DPYD: variants seen among roughly 807,000 people sequenced by gnomAD.
DPYD encodes dihydropyrimidine dehydrogenase [NADP(+)].
In DPYD, 109 loss-of-function variants were observed where a neutral mutation model predicts 116.2. That is an observed-to-expected ratio of 0.94 (90% CI 0.80 to 1.10). The LOEUF is 1.10. Among genes scored for constraint, DPYD ranks in the 50% least tolerant of loss-of-function variants. The probability of loss-of-function intolerance (pLI) is 0.00; values close to 1 mark genes in which losing one functional copy is unlikely to be tolerated. For missense variants in DPYD, 1,302 were observed against 1,254.5 expected (o/e 1.04, Z -0.57); for synonymous variants, 440 against 432.0 (o/e 1.02, Z -0.23).
intron 18 of DPYD, among the ~76,000 whole-genome samples, chr1:97,243,972 T>G (rs1211636499): frequency 6.6e-6 from 1 of 151,962 alleles, no homozygotes; most frequent in African/African-American, 2.4e-5. Context: ...AAATTTGTTT[T>G]AGAACCAAAA....
chr1:97,452,528 GAT>G (rs1327839343), intron 13 of DPYD, among the ~76,000 whole-genome samples: 5 of 152,064 alleles, frequency 3.3e-5, no homozygotes, highest in Non-Finnish European at 5.9e-5. Flanking sequence ...TTTGGGCTTT[GAT>G]ATAGTTTGGA....
chr1:97,392,040 A>C (rs1018814375), intron 14 of DPYD, among the ~76,000 whole-genome samples: 6 of 152,056 alleles, frequency 3.9e-5, no homozygotes, highest in African/African-American at 1.4e-4. Flanking sequence ...AACTGTGTGA[A>C]TCAGGGAAGG....
At position 97,549,686 on chromosome 1, in the gene DPYD, T is replaced by C; in HGVS notation, c.1398A>G (p.Pro466=). The C allele has an allele frequency of 6.2e-7, 1 of 1,613,946 alleles. No individual in the cohort carries two copies. Residue 466 remains proline, a synonymous_variant, in exon 12 of 23, where the codon CCA becomes CCG. Transcript: ENST00000370192. The stretch of plus-strand genomic sequence containing the variant: ...ATGCTTCACTAGTTTGCATAGTTTC[T>C]GGATCTACTTCTGGGAGACCCCATC... The part of the protein sequence containing the change: ...FNRWGLPEVD[P]ETMQTSEAWV...
intron 14 of DPYD, among the ~76,000 whole-genome samples, chr1:97,385,281 A>G (rs1466019025): frequency 0.022 from 71 of 3,278 alleles, no homozygotes; most frequent in African/African-American, 0.035. Context: ...CATTCCTTGC[A>G]AAAAAAAAAA....
At chr1:97,319,406 A>C (rs1356358311) in intron 16 of DPYD, among the ~76,000 whole-genome samples, 3 of 130,112 alleles carry the variant, frequency 2.3e-5, no homozygotes, top group African/African-American at 8.8e-5. Context: ...GGATATCACC[A>C]CCGATCCCAC....
intron 14 of DPYD, among the ~76,000 whole-genome samples, chr1:97,430,915 G>T (rs1675143228): frequency 6.6e-6 from 1 of 151,964 alleles, no homozygotes; most frequent in Non-Finnish European, 1.5e-5. Context: ...TTTAGTAGAA[G>T]TGGAGCCTGA....
chr1:97,832,572 T>C (rs1056684781), intron 2 of DPYD, among the ~76,000 whole-genome samples: 1 of 152,146 alleles, frequency 6.6e-6, no homozygotes, highest in Admixed American at 6.5e-5. Flanking sequence ...ATATTTTGCA[T>C]GCAACAGTCT....
intron 14 of DPYD, among the ~76,000 whole-genome samples, chr1:97,430,560 G>A (rs969027467): frequency 6.7e-6 from 1 of 149,818 alleles, no homozygotes; most frequent in Non-Finnish European, 1.5e-5. Context: ...CTGCACTCCA[G>A]CCTGGGCAGC....
At chr1:97,269,471 A>G (rs1048417071) in intron 18 of DPYD, among the ~76,000 whole-genome samples, 19 of 152,130 alleles carry the variant, frequency 1.2e-4, no homozygotes, top group Non-Finnish European at 2.4e-4. Context: ...TTGTTATAGC[A>G]GCAGTCACAC....
chr1:97,681,416 G>A (rs963153566), intron 7 of DPYD, among the ~76,000 whole-genome samples: 3 of 152,048 alleles, frequency 2.0e-5, no homozygotes, highest in Non-Finnish European at 4.4e-5. Flanking sequence ...GGATCATAGA[G>A]GGCAATGTTT....
intron 20 of DPYD, among the ~76,000 whole-genome samples, chr1:97,151,535 C>T (rs1481390228): frequency 6.6e-6 from 1 of 152,008 alleles, no homozygotes; most frequent in Non-Finnish European, 1.5e-5. Context: ...ATTAGCCAGG[C>T]ATGGTGGTGG....
intron 14 of DPYD, among the ~76,000 whole-genome samples, chr1:97,414,273 C>A (rs1674169734): frequency 6.6e-6 from 1 of 152,118 alleles, no homozygotes; most frequent in Non-Finnish European, 1.5e-5. Flanking sequence ...ATTAGTCTAT[C>A]AGTTGGTTAT....
intron 17 of DPYD, among the ~76,000 whole-genome samples, chr1:97,305,633 T>C (rs1667114620): frequency 6.6e-6 from 1 of 151,988 alleles, no homozygotes; most frequent in Non-Finnish European, 1.5e-5. Flanking sequence ...TATTTGGTGT[T>C]ATTTTCCAGG....
At chr1:97,415,452 C>T (rs959152210) in intron 14 of DPYD, among the ~76,000 whole-genome samples, 3 of 152,058 alleles carry the variant, frequency 2.0e-5, no homozygotes, top group African/African-American at 7.2e-5. Flanking sequence ...CTCTGCCTCC[C>T]GAGTAGCTGG....
At position 97,350,999 on chromosome 1, in the gene DPYD, G is replaced by C. The variant is rs565006933; in HGVS notation, c.2058+22562C>G. Among the ~76,000 whole-genome samples, 557 of 152,218 alleles carry C rather than the reference G, an allele frequency of 3.7e-3. 5 individuals carry two copies. Among genetic ancestry groups the C allele is most frequent in the Non-Finnish European group, 6.1e-3 (418 of 67,984 alleles). ...GGCTACAGGAAGTCGTGGCCTTCAG[G>C]AAAGAATCTGTGGGAGGTTTGCTGA... On this transcript the variant is annotated intron_variant, in intron 16 of 22. Coordinates refer to ENST00000370192, the MANE Select transcript of DPYD (RefSeq NM_000110.4).
Position 97,190,332 on chromosome 1 carries a change from T to A in DPYD, c.2622+2737A>T, listed in dbSNP as rs557433638. On this transcript the variant is annotated intron_variant, in intron 20 of 22. Transcript: ENST00000370192. Reference sequence around the variant, plus strand: ...TCAATCTCTCACTGTTCTATTGCTATTCTCTTTTTTGTCCCTTTTGGCAAT... The same window carrying A: ...TCAATCTCTCACTGTTCTATTGCTAATCTCTTTTTTGTCCCTTTTGGCAAT... 9.1e-4 allele frequency among the ~76,000 whole-genome samples: 138 copies of A among 152,182 alleles called. 1 individual carries two copies. Among genetic ancestry groups the A allele is most frequent in the Non-Finnish European group, 1.5e-3 (104 of 68,020 alleles).
intron 14 of DPYD, among the ~76,000 whole-genome samples, chr1:97,392,109 T>A (rs1672739537): frequency 6.6e-6 from 1 of 152,074 alleles, no homozygotes; most frequent in African/African-American, 2.4e-5. Context: ...TTTAGAGGTA[T>A]ACCTCGAAGA....
At chr1:97,894,282 C>T (rs766495346) in intron 1 of DPYD, among the ~76,000 whole-genome samples, 18 of 151,760 alleles carry the variant, frequency 1.2e-4, no homozygotes, top group Non-Finnish European at 1.8e-4. Flanking sequence ...AGGGTCCCAC[C>T]CTCATGACCT....
At chr1:97,575,717 C>A (rs553101517) in intron 10 of DPYD, among the ~76,000 whole-genome samples, 2 of 152,192 alleles carry the variant, frequency 1.3e-5, no homozygotes, top group South Asian at 2.1e-4. Flanking sequence ...TAGAGGTAAG[C>A]GGAATTGAAT....
Sources: gnomAD v4.1 joint callset for allele counts (sites outside exome capture counted in the v4.1 genomes callset) on GRCh38, gnomAD v4.1.1 for gene constraint, MANE v1.5 for transcripts, NCBI Gene and HGNC (gene_info 2026-07-23, HGNC 2026-07-21) for gene names.